Variants in ACOXL observed in about 807,000 individuals in gnomAD.
ACOXL encodes the protein acyl-CoA oxidase like, also known as acyl-coenzyme A oxidase-like protein.
In ACOXL, 70 loss-of-function variants were observed where a neutral mutation model predicts 71.9. The observed-to-expected ratio is 0.97, with a 90% CI of 0.80 to 1.19. The LOEUF (loss-of-function observed/expected upper bound fraction) is 1.19. Among genes scored for constraint, ACOXL ranks in the 50% most tolerant of loss-of-function variants. The pLI, the probability that ACOXL is intolerant of heterozygous loss-of-function variation, is 0.00. For synonymous variants in ACOXL, 253 were observed against 281.6 expected (o/e 0.90, Z 1.02); for missense variants, 703 against 736.3 (o/e 0.95, Z 0.52).
At chr2:111,095,051 G>T (rs2068730223) in intron 17 of ACOXL, among the ~76,000 whole-genome samples, 1 of 152,132 alleles carries the variant, frequency 6.6e-6, no homozygotes, top group Admixed American at 6.5e-5. Flanking sequence ...TCAGTCAGAG[G>T]AAGTCACAGT....
intron 10 of ACOXL, among the ~76,000 whole-genome samples, chr2:110,884,100 G>A (rs1269899890): frequency 6.6e-6 from 1 of 152,184 alleles, no homozygotes; most frequent in Non-Finnish European, 1.5e-5. Context: ...ATTAACAGGA[G>A]CAAAGCATGC....
intron 17 of ACOXL, among the ~76,000 whole-genome samples, chr2:111,096,739 T>G (rs1301643945): frequency 6.6e-6 from 1 of 152,200 alleles, no homozygotes; most frequent in African/African-American, 2.4e-5. Flanking sequence ...GTCATTTGTT[T>G]TGAGAAATAA....
chr2:111,072,878 C>T (rs2067408466), intron 16 of ACOXL, among the ~76,000 whole-genome samples: 3 of 152,150 alleles, frequency 2.0e-5, no homozygotes, highest in Admixed American at 1.3e-4. Context: ...CTTTTTGTTC[C>T]TGATGTATGA....
At chr2:110,936,718 A>T (rs2060676608) in intron 12 of ACOXL, among the ~76,000 whole-genome samples, 1 of 152,212 alleles carries the variant, frequency 6.6e-6, no homozygotes, top group Non-Finnish European at 1.5e-5. Flanking sequence ...AGATAAAGAG[A>T]TACATCGGCT....
intron 15 of ACOXL, among the ~76,000 whole-genome samples, chr2:111,047,026 T>TA (rs574145665): frequency 2.2e-3 from 340 of 152,222 alleles, no homozygotes; most frequent in Non-Finnish European, 3.6e-3. Context: ...TGTGGGAAAG[T>TA]GGTGCATCCA....
At chr2:110,904,313 A>C (rs888224468) in intron 10 of ACOXL, among the ~76,000 whole-genome samples, 8 of 152,158 alleles carry the variant, frequency 5.3e-5, no homozygotes, top group East Asian at 3.9e-4. Flanking sequence ...CAGCCAGCAC[A>C]CCAGTGTCTG....
At chr2:110,834,956 C>T (rs966214380) in intron 9 of ACOXL, among the ~76,000 whole-genome samples, 4 of 152,216 alleles carry the variant, frequency 2.6e-5, no homozygotes, top group African/African-American at 9.6e-5. Flanking sequence ...AAGGTAGTGC[C>T]TGGGTCAGGC....
rs574044498 is a variant in ACOXL at position 110,915,076 on chromosome 2, A to G, written c.905+6171A>G. On this transcript the variant is annotated intron_variant, in intron 11 of 17. Coordinates refer to ENST00000439055, the MANE Select transcript of ACOXL (RefSeq NM_001142807.4). Reference sequence around the variant, plus strand: ...CTGACTATAGTCACCCTGTTTTGCTATTAAATAGTAGGTCTTATTCATTCT... The same window carrying G: ...CTGACTATAGTCACCCTGTTTTGCTGTTAAATAGTAGGTCTTATTCATTCT... 3.3e-5 allele frequency among the ~76,000 whole-genome samples: 5 copies of G among 152,252 alleles called. No individual in the cohort carries two copies. In the East Asian group the frequency reaches 9.6e-4, roughly 29 times the overall value.
intron 13 of ACOXL, among the ~76,000 whole-genome samples, chr2:110,990,226 C>T (rs1290615543): frequency 1.3e-5 from 2 of 151,986 alleles, no homozygotes; most frequent in East Asian, 3.9e-4. Context: ...TCAAAGTGTC[C>T]TTCAGGGTTG....
chr2:111,019,976 T>G (rs1442559218), intron 14 of ACOXL, among the ~76,000 whole-genome samples: 1 of 152,168 alleles, frequency 6.6e-6, no homozygotes, highest in Non-Finnish European at 1.5e-5. Context: ...TTCTCCTGCC[T>G]CAGCCTCCCG....
rs150038168 is a variant in ACOXL at position 111,006,716 on chromosome 2, G to A, written c.1281+10712G>A. 4.2e-3 allele frequency among the ~76,000 whole-genome samples: 635 copies of A among 152,108 alleles called. 9 individuals are homozygous for A. Among genetic ancestry groups the A allele is most frequent in the African/African-American group, 0.015 (609 of 41,486 alleles). On this transcript the variant is annotated intron_variant, in intron 14 of 17. Transcript: ENST00000439055. ...TAGGATTACAGGCATGTGCCACCAC[G>A]TCTGGCTAATTTTTGTATTTTTAGT...
At chr2:110,934,182 G>C (rs1437112553) in intron 12 of ACOXL, among the ~76,000 whole-genome samples, 1 of 152,226 alleles carries the variant, frequency 6.6e-6, no homozygotes, top group African/African-American at 2.4e-5. Context: ...TCTGTGTGCA[G>C]CTGTGAGAAC....
At chr2:111,100,287 A>G (rs1484961099) in intron 17 of ACOXL, 2 of 152,674 alleles carry the variant, frequency 1.3e-5, no homozygotes, top group Admixed American at 6.5e-5. Context: ...CATGAGCTCA[A>G]ATAATGGAAT....
Position 110,963,656 on chromosome 2 carries a change from A to T in ACOXL, c.1060-23452A>T. The T allele has an allele frequency of 1.9e-6, 3 of 1,613,848 alleles. No individual in the cohort carries two copies. The South Asian group carries it at 3.3e-5, about 18-fold the overall frequency. The stretch of plus-strand genomic sequence containing the variant: ...TGATGGAAAATCGAATCTCAGGCTT[A>T]AAGTGTGACACAGATGTGTTTGCCA... On this transcript the variant is annotated intron_variant, in intron 12 of 17. Transcript: ENST00000439055.
In ACOXL at chr2:110,768,514, G is replaced by T. The variant is rs759321205; in HGVS notation, c.75+50G>T. 27 of 487,868 alleles carry T rather than the reference G, an allele frequency of 5.5e-5. No individual in the cohort carries two copies. The South Asian group carries it at 1.2e-3, about 22-fold the overall frequency. The allele number at this position is 487,868 out of a possible 1,614,324, so 30.2% of individuals were successfully genotyped here. A position where few individuals can be genotyped will look rare whatever the true frequency, so the allele number is the denominator to read the frequency against. ...TGGTTGTGTGTGTGTGTGTGTGTGT[G>T]AGAGAGAGAGAGAGAGAGAGAGAGT... is the stretch of plus-strand genomic sequence containing the variant. On this transcript the variant is annotated intron_variant, in intron 2 of 17. Coordinates refer to ENST00000439055, the MANE Select transcript of ACOXL (RefSeq NM_001142807.4).
intron 9 of ACOXL, among the ~76,000 whole-genome samples, chr2:110,834,208 A>C (rs1450157163): frequency 1.3e-5 from 2 of 152,184 alleles, no homozygotes; most frequent in African/African-American, 4.8e-5. Flanking sequence ...TTAACACGTA[A>C]TAAGAATCAC....
At chr2:110,967,870 T>A in intron 12 of ACOXL, 1 of 1,271,036 alleles carries the variant, frequency 7.9e-7, no homozygotes, top group Non-Finnish European at 1.1e-6. Flanking sequence ...TAAGGCCTAC[T>A]TTAAGAGATA....
At chr2:111,037,058 G>A (rs1406701563) in intron 15 of ACOXL, 1 of 152,160 alleles carries the variant, frequency 6.6e-6, no homozygotes, top group African/African-American at 2.4e-5. Flanking sequence ...GGGAAGAGAA[G>A]GTTTAAGAAC....
At chr2:110,739,825 C>T (rs1212055093) in intron 1 of ACOXL, among the ~76,000 whole-genome samples, 2 of 152,246 alleles carry the variant, frequency 1.3e-5, no homozygotes, top group Non-Finnish European at 2.9e-5. Flanking sequence ...TGAGTTACCA[C>T]TTGCCTGTTC....
Sources: gnomAD v4.1 joint callset for allele counts (sites outside exome capture counted in the v4.1 genomes callset) on GRCh38, gnomAD v4.1.1 for gene constraint, MANE v1.5 for transcripts, NCBI Gene and HGNC (gene_info 2026-07-23, HGNC 2026-07-21) for gene names.